RNF130: variants seen among roughly 807,000 people sequenced by gnomAD.
The protein encoded by RNF130 is E3 ubiquitin-protein ligase RNF130.
Under a neutral mutation model 44.6 loss-of-function variants are expected in RNF130, and 21 were observed. The ratio of observed to expected loss-of-function variants is 0.47; its 90% confidence interval spans 0.33 to 0.68. The LOEUF (loss-of-function observed/expected upper bound fraction) is 0.68. RNF130 is among the 30% of genes least tolerant of loss of function. The pLI, the probability that RNF130 is intolerant of heterozygous loss-of-function variation, is 0.02. For synonymous variants in RNF130, 214 were observed against 210.4 expected (o/e 1.02, Z -0.15); for missense variants, 479 against 560.6 (o/e 0.85, Z 1.47).
intron 3 of RNF130, among the ~76,000 whole-genome samples, chr5:179,988,461 C>T (rs1325569427): frequency 1.3e-5 from 2 of 152,136 alleles, no homozygotes; most frequent in Admixed American, 1.3e-4. Context: ...TTTATTCTTG[C>T]TTTTCCAGTT....
At chr5:179,966,107 T>C (rs1271780038) in intron 7 of RNF130, among the ~76,000 whole-genome samples, 1 of 152,188 alleles carries the variant, frequency 6.6e-6, no homozygotes, top group Non-Finnish European at 1.5e-5. Flanking sequence ...ATGTCTATGA[T>C]GCCTACACAC....
At chr5:179,929,033 T>C (rs1304997916) in intron 7 of RNF130, among the ~76,000 whole-genome samples, 1 of 152,352 alleles carries the variant, frequency 6.6e-6, no homozygotes, top group East Asian at 1.9e-4. Flanking sequence ...GTTGAAGAAG[T>C]CTTTGCCTAT....
intron 3 of RNF130, among the ~76,000 whole-genome samples, chr5:180,010,091 C>CA (rs1176489024): frequency 6.6e-6 from 1 of 151,668 alleles, no homozygotes; most frequent in Non-Finnish European, 1.5e-5. Flanking sequence ...ACTAAAAATA[C>CA]AAAAAATTAG....
At chr5:180,029,269 A>C (rs1764067687) in intron 2 of RNF130, among the ~76,000 whole-genome samples, 1 of 152,276 alleles carries the variant, frequency 6.6e-6, no homozygotes, top group Non-Finnish European at 1.5e-5. Flanking sequence ...AACCAGAAGA[A>C]ACTGAGACAG....
intron 1 of RNF130, among the ~76,000 whole-genome samples, chr5:180,055,299 A>T: frequency 7.7e-6 from 1 of 129,928 alleles, no homozygotes; most frequent in East Asian, 2.3e-4. Flanking sequence ...AACAGCAAAC[A>T]AACAAAAAAT....
chr5:179,951,300 A>G (rs1762119976), downstream of RNF130, among the ~76,000 whole-genome samples: 1 of 152,228 alleles, frequency 6.6e-6, no homozygotes, highest in Admixed American at 6.5e-5. Context: ...ACAGAGAAGA[A>G]AAACAAGATA....
In RNF130 at chr5:179,975,151, C is replaced by A. The variant is rs567285103; in HGVS notation, c.848+3052G>T. On this transcript the variant is annotated intron_variant, in intron 5 of 8. Transcript: ENST00000521389. ...CAACATGAGGTACAGAAAGCCACAG[C>A]AGGTAACACCGACTCTGGGCTTCAA... Among the ~76,000 whole-genome samples, 10 of 152,320 alleles carry A rather than the reference C, an allele frequency of 6.6e-5. No homozygotes were observed. In the East Asian group the frequency reaches 1.5e-3, roughly 24 times the overall value.
intron 7 of RNF130, among the ~76,000 whole-genome samples, chr5:179,925,971 G>A (rs1307348303): frequency 6.6e-6 from 1 of 152,328 alleles, no homozygotes; most frequent in Admixed American, 6.5e-5. Context: ...GGCACGGAAA[G>A]GGGGAGCAGC....
chr5:180,041,659 G>A (rs1355995300), intron 1 of RNF130, among the ~76,000 whole-genome samples: 2 of 152,242 alleles, frequency 1.3e-5, no homozygotes, highest in African/African-American at 4.8e-5. Flanking sequence ...CTGGCGCACA[G>A]TGGCAGAGGG....
At chr5:180,023,552 C>T (rs1227732974) in intron 2 of RNF130, among the ~76,000 whole-genome samples, 1 of 152,090 alleles carries the variant, frequency 6.6e-6, no homozygotes, top group Non-Finnish European at 1.5e-5. Context: ...AACAAAAAAA[C>T]AAAAATCCAA....
chr5:180,020,018 G>C (rs904390587), intron 2 of RNF130, among the ~76,000 whole-genome samples: 2 of 152,134 alleles, frequency 1.3e-5, no homozygotes, highest in Non-Finnish European at 2.9e-5. Context: ...ACTAAGAAAG[G>C]GTCCAGGGAA....
intron 7 of RNF130, among the ~76,000 whole-genome samples, chr5:179,927,586 CTTT>C (rs5873673): frequency 8.0e-5 from 9 of 112,162 alleles, no homozygotes; most frequent in Admixed American, 1.1e-4. Flanking sequence ...TTAGCTTTGT[CTTT>C]TTTTTTTTTT....
At position 180,007,910 on chromosome 5, in the gene RNF130, A is replaced by C. The variant is rs534375789; in HGVS notation, c.693+5151T>G. 3.6e-4 allele frequency among the ~76,000 whole-genome samples: 55 copies of C among 151,692 alleles called. No homozygotes were observed. The East Asian group carries it at 5.6e-3, about 15-fold the overall frequency. On this transcript the variant is annotated intron_variant, in intron 3 of 8. Transcript: ENST00000521389. ...ACTAACACAGGCTTGCCTGTCAACA[A>C]CACCACTCCAGAGCAGCTCCTTCTC...
chr5:179,975,811 C>T (rs2113713549), intron 5 of RNF130, among the ~76,000 whole-genome samples: 1 of 152,300 alleles, frequency 6.6e-6, no homozygotes, highest in East Asian at 1.9e-4. Context: ...CATTCACAAG[C>T]AGACCACAAA....
chr5:179,945,917 G>A (rs1762030430), intron 7 of RNF130, among the ~76,000 whole-genome samples: 1 of 39,452 alleles, frequency 2.5e-5, no homozygotes, highest in Non-Finnish European at 7.0e-5. Flanking sequence ...AAAAAGGCGG[G>A]GGCAGGGATA....
rs1251707590 is a variant in RNF130, at chr5:179,920,730, T to A, written c.1151-304A>T. On this transcript the variant is annotated intron_variant, in intron 7 of 7. Coordinates refer to the RNF130 transcript ENST00000522208. ...ACGTGAAGACTTCTTCCTGGGCACA[T>A]GATCTTATGGAGGACTGCCCCCCAG... is the stretch of plus-strand genomic sequence containing the variant. Among the ~76,000 whole-genome samples the A allele has an allele frequency of 2.0e-5, 3 of 151,738 alleles. 1 individual carries two copies. Among genetic ancestry groups the A allele is most frequent in the East Asian group, 3.9e-4 (2 of 5,192 alleles).
At chr5:180,007,789 C>T (rs1280556180) in intron 3 of RNF130, among the ~76,000 whole-genome samples, 3 of 152,168 alleles carry the variant, frequency 2.0e-5, no homozygotes, top group Non-Finnish European at 2.9e-5. Flanking sequence ...CGGCCCCACA[C>T]TGGGTGCTAA....
Position 180,071,512 on chromosome 5 carries a change from T to G in RNF130, c.191A>C (p.Asp64Ala). The G allele has an allele frequency of 7.5e-7, 1 of 1,338,896 alleles. No homozygotes were observed. Among genetic ancestry groups the G allele is most frequent in the Non-Finnish European group, 9.6e-7 (1 of 1,038,342 alleles). 82.9% of individuals were successfully genotyped at this position (1,338,896 alleles called of 1,614,324 possible). ...FRIDRGRYGL[D>A]SPKAEVRGQV... The stretch of plus-strand genomic sequence containing the variant: ...GCCGCGGACCTCGGCCTTGGGGGAG[T>G]CAAGCCCGTAGCGCCCGCGGTCGAT... Residue 64 changes from aspartate (D) to alanine (A), a missense_variant, in exon 1 of 9, where the codon GAC becomes GCC. This residue lies in a region of RNF130 where 138 missense variants were observed against 126.9 expected (regional missense o/e 1.09). Transcript: ENST00000521389.
At chr5:179,921,433 C>G (rs920165809) in intron 7 of RNF130, among the ~76,000 whole-genome samples, 5 of 152,242 alleles carry the variant, frequency 3.3e-5, no homozygotes, top group Non-Finnish European at 7.3e-5. Flanking sequence ...TTCACATCTC[C>G]TAGACCTGTA....
Sources: allele counts gnomAD v4.1 joint callset (sites outside exome capture counted in the v4.1 genomes callset), GRCh38; gene constraint gnomAD v4.1.1; regional missense constraint gnomAD v4.1.1; transcripts MANE v1.5; gene names NCBI Gene and HGNC (gene_info 2026-07-23, HGNC 2026-07-21).